PDE4B: variants seen among roughly 807,000 people sequenced by gnomAD.
The protein encoded by PDE4B is phosphodiesterase 4B, also known as 3',5'-cyclic-AMP phosphodiesterase 4B.
PDE4B carries 20 observed loss-of-function variants against 82.2 expected under a neutral mutation model. The ratio of observed to expected loss-of-function variants is 0.24; its 90% confidence interval spans 0.17 to 0.35. PDE4B has a LOEUF of 0.35. Ranked by LOEUF, PDE4B falls within the 10% of genes least tolerant of loss-of-function variation. PDE4B has a pLI of 1.00. For synonymous variants in PDE4B, 320 were observed against 318.9 expected (o/e 1.00, Z -0.04); for missense variants, 655 against 907.2 (o/e 0.72, Z 3.57).
At chr1:66,096,417 A>G (rs1435148405) in intron 3 of PDE4B, among the ~76,000 whole-genome samples, 3 of 149,904 alleles carry the variant, frequency 2.0e-5, no homozygotes, top group Non-Finnish European at 4.5e-5. Context: ...ATTATGACAT[A>G]GACTACTTTG....
At chr1:65,922,663 A>T (rs1647289992) in intron 3 of PDE4B, among the ~76,000 whole-genome samples, 1 of 152,050 alleles carries the variant, frequency 6.6e-6, no homozygotes, top group South Asian at 2.1e-4. Context: ...TAGAAATCCT[A>T]CTCACGTGAG....
chr1:66,056,485 CATCTATCTATCTATCTATCTATCT>C (rs1553138871), intron 3 of PDE4B, among the ~76,000 whole-genome samples: 1 of 143,574 alleles, frequency 7.0e-6, no homozygotes, highest in African/African-American at 2.6e-5. Flanking sequence ...ATCTATCTAT[CATCTATCTATCTATCTATCTATCT>C]ATCTATCTAT....
chr1:65,952,518 T>G (rs1053261142), intron 3 of PDE4B, among the ~76,000 whole-genome samples: 18 of 151,704 alleles, frequency 1.2e-4, no homozygotes, highest in African/African-American at 4.4e-4. Context: ...CCATCTCTAC[T>G]GAAAAAATAC....
At chr1:65,902,905 A>G (rs1462021403) in intron 1 of PDE4B, among the ~76,000 whole-genome samples, 1 of 152,184 alleles carries the variant, frequency 6.6e-6, no homozygotes, top group Non-Finnish European at 1.5e-5. Flanking sequence ...GAGTCTGCAG[A>G]TATAGGCACT....
At position 66,368,652 on chromosome 1, in the gene PDE4B, G is replaced by A. The variant is rs1663431576; in HGVS notation, c.1663-135G>A. 7.2e-6 allele frequency: 4 copies of A among 557,506 alleles called. No individual in the cohort carries two copies. The South Asian group carries it at 2.4e-4, about 33-fold the overall frequency. 34.5% of individuals were successfully genotyped at this position (557,506 alleles called of 1,614,324 possible). ...ATCATTGTAATTCCATTTTTTTTCG[G>A]TGCATATGTCATAATTATAATGCAA... On this transcript the variant is annotated intron_variant, in intron 15 of 16. Coordinates refer to ENST00000341517, the MANE Select transcript of PDE4B (RefSeq NM_002600.4).
chr1:66,092,678 T>C (rs960538149), intron 3 of PDE4B, among the ~76,000 whole-genome samples: 1 of 152,050 alleles, frequency 6.6e-6, no homozygotes, highest in Non-Finnish European at 1.5e-5. Context: ...TCTTCTGATC[T>C]GGGGGTAGAG....
At chr1:65,954,967 A>G (rs1649182287) in intron 3 of PDE4B, among the ~76,000 whole-genome samples, 1 of 152,080 alleles carries the variant, frequency 6.6e-6, no homozygotes, top group Non-Finnish European at 1.5e-5. Context: ...GTGTTTTTAT[A>G]AACTTCTGCC....
intron 1 of PDE4B, among the ~76,000 whole-genome samples, chr1:65,807,636 C>T (rs1168310368): frequency 3.3e-5 from 5 of 152,206 alleles, no homozygotes; most frequent in Non-Finnish European, 7.3e-5. Context: ...TTCCTCATAT[C>T]CCTCTAATTC....
intron 1 of PDE4B, among the ~76,000 whole-genome samples, chr1:65,896,281 A>G (rs1324032910): frequency 6.6e-6 from 1 of 152,200 alleles, no homozygotes; most frequent in African/African-American, 2.4e-5. Context: ...GCAGCAGGCA[A>G]GAGAGCTTGT....
In PDE4B at chr1:66,288,327, A is replaced by C. The variant is rs115916550; in HGVS notation, c.634+22240A>C. ...AACCATTGATGAGAAAACCAACCAC[A>C]TGATTCAGTCACTTTCAACCAGGCC... On this transcript the variant is annotated intron_variant, in intron 7 of 16. Transcript: ENST00000341517. 9.2e-3 allele frequency among the ~76,000 whole-genome samples: 1,398 copies of C among 152,164 alleles called. 19 individuals carry two copies. The highest frequency in any genetic ancestry group is 0.031 in the African/African-American group (1,296 of 41,528).
intron 3 of PDE4B, among the ~76,000 whole-genome samples, chr1:66,018,587 C>G (rs1652910679): frequency 6.6e-6 from 1 of 152,026 alleles, no homozygotes; most frequent in South Asian, 2.1e-4. Context: ...ATTTTAATAT[C>G]TTATATCAAA....
intron 3 of PDE4B, among the ~76,000 whole-genome samples, chr1:66,187,847 T>C (rs1035594370): frequency 1.3e-5 from 2 of 152,006 alleles, no homozygotes; most frequent in African/African-American, 4.8e-5. Context: ...AGTTCTGCTC[T>C]GATTTTAGTT....
chr1:66,088,895 T>A (rs1165492607), intron 3 of PDE4B, among the ~76,000 whole-genome samples: 1 of 152,136 alleles, frequency 6.6e-6, no homozygotes, highest in Non-Finnish European at 1.5e-5. Context: ...CACATCCTTT[T>A]TTTCTGCATC....
chr1:66,263,690 A>C (rs1654844820), intron 6 of PDE4B, among the ~76,000 whole-genome samples: 1 of 152,164 alleles, frequency 6.6e-6, no homozygotes, highest in African/African-American at 2.4e-5. Context: ...AGGTACAAAT[A>C]AAGCACCATG....
intron 3 of PDE4B, among the ~76,000 whole-genome samples, chr1:66,009,126 A>G (rs945185272): frequency 6.6e-6 from 1 of 152,070 alleles, no homozygotes; most frequent in Non-Finnish European, 1.5e-5. Flanking sequence ...CATGTTCCAA[A>G]TCTTTTCCAT....
At chr1:65,956,047 A>G (rs1649241169) in intron 3 of PDE4B, among the ~76,000 whole-genome samples, 1 of 152,184 alleles carries the variant, frequency 6.6e-6, no homozygotes. Flanking sequence ...GGATATTTTT[A>G]GAGAATTTTG....
At position 66,355,637 on chromosome 1, in the gene PDE4B, G is replaced by T; in HGVS notation, c.841+17G>T. ...CTTTCTTAGGTAAGATATTAACTGG[G>T]AAAAACCTGTTTTATAACTGGGGTT... On this transcript the variant is annotated intron_variant, in intron 9 of 16. Coordinates refer to ENST00000341517, the MANE Select transcript of PDE4B (RefSeq NM_002600.4). The T allele has an allele frequency of 6.8e-7, 1 of 1,460,376 alleles. No individual in the cohort carries two copies. Among genetic ancestry groups the T allele is most frequent in the Non-Finnish European group, 9.6e-7 (1 of 1,043,220 alleles). The allele number at this position is 1,460,376 out of a possible 1,614,324, so 90.5% of individuals were successfully genotyped here.
intron 8 of PDE4B, among the ~76,000 whole-genome samples, chr1:66,342,164 G>T (rs2101956168): frequency 6.6e-6 from 1 of 152,224 alleles, no homozygotes; most frequent in East Asian, 1.9e-4. Context: ...AAGGGAAAAT[G>T]ACTCGAGGAA....
chr1:65,969,879 G>T (rs1650040648), intron 3 of PDE4B, among the ~76,000 whole-genome samples: 1 of 151,922 alleles, frequency 6.6e-6, no homozygotes, highest in Non-Finnish European at 1.5e-5. Flanking sequence ...TGCTCTACTA[G>T]TGCTTACTCA....
Sources: gnomAD v4.1 joint callset for allele counts (sites outside exome capture counted in the v4.1 genomes callset) on GRCh38, gnomAD v4.1.1 for gene constraint, MANE v1.5 for transcripts, NCBI Gene and HGNC (gene_info 2026-07-23, HGNC 2026-07-21) for gene names.